PPIL6: variants seen among roughly 807,000 people sequenced by gnomAD.
PPIL6 encodes the protein peptidylprolyl isomerase like 6.
Under a neutral mutation model 36.8 loss-of-function variants are expected in PPIL6, and 39 were observed. That is an observed-to-expected ratio of 1.06 (90% CI 0.82 to 1.38). The LOEUF (loss-of-function observed/expected upper bound fraction) is 1.38, where lower values mean the gene tolerates loss of function less well. PPIL6 is among the 40% of genes most tolerant of loss of function. PPIL6 has a pLI of 0.00. For missense variants in PPIL6, 368 were observed against 379.1 expected (o/e 0.97, Z 0.24); for synonymous variants, 123 against 134.1 (o/e 0.92, Z 0.57).
chr6:109,418,849 A>G (rs1484480177), intron 6 of PPIL6, among the ~76,000 whole-genome samples: 1 of 152,120 alleles, frequency 6.6e-6, no homozygotes, highest in African/African-American at 2.4e-5. Context: ...GCCACCTGAC[A>G]GCAATCTAAA....
intron 7 of PPIL6, among the ~76,000 whole-genome samples, chr6:109,398,581 G>A (rs1439597969): frequency 6.6e-6 from 1 of 152,204 alleles, no homozygotes; most frequent in African/African-American, 2.4e-5. Flanking sequence ...ACACTGGAGT[G>A]ATGAAAAGTA....
chr6:109,420,434 A>T (rs1156698109), intron 5 of PPIL6, among the ~76,000 whole-genome samples: 2 of 151,620 alleles, frequency 1.3e-5, no homozygotes, highest in African/African-American at 4.8e-5. Flanking sequence ...GTGATAACTC[A>T]TTTATTTACC....
At chr6:109,427,199 TA>T in intron 3 of PPIL6, 43 bp from the exon 4 acceptor site, 1 of 1,458,620 alleles carries the variant, frequency 6.9e-7, no homozygotes, top group Non-Finnish European at 9.4e-7. Context: ...GTCAAAGTCT[TA>T]CAAGAAAGTT....
Position 109,440,561 on chromosome 6 carries a change from C to CG in PPIL6, c.29dup (p.His11AlafsTer3), listed in dbSNP as rs903987348. On this transcript the variant is annotated frameshift_variant, in exon 1 of 8. Coordinates refer to ENST00000521072, the MANE Select transcript of PPIL6 (RefSeq NM_173672.5). LOFTEE classifies it high-confidence loss of function. ...GCGACGGCGAGCCGCACCTAGCGTG[C>CG]GGGGGCCCGCACGGCTGCGGCCTTG... 2.7e-6 allele frequency: 4 copies of CG among 1,460,470 alleles called. No homozygotes were observed. The African/African-American group carries it at 4.5e-5, about 16-fold the overall frequency. The allele number at this position is 1,460,470 out of a possible 1,614,324, so 90.5% of individuals were successfully genotyped here.
rs143800088 is a variant in PPIL6 at position 109,437,021 on chromosome 6, G to A, written c.136-822C>T. 1.1e-3 allele frequency among the ~76,000 whole-genome samples: 161 copies of A among 152,334 alleles called. 1 individual carries two copies. The highest frequency in any genetic ancestry group is 3.8e-3 in the African/African-American group (159 of 41,564). ...GGATGACCAAAAAGATAATAACGTT[G>A]TGGTTATACCCCTTAGGAAAAAGAG... On this transcript the variant is annotated intron_variant, in intron 1 of 7. Coordinates refer to ENST00000521072, the MANE Select transcript of PPIL6 (RefSeq NM_173672.5).
intron 6 of PPIL6, among the ~76,000 whole-genome samples, chr6:109,412,783 C>T (rs1003063838): frequency 1.3e-5 from 2 of 152,258 alleles, no homozygotes; most frequent in African/African-American, 4.8e-5. Context: ...TATGAAACTA[C>T]TACAAGAAAA....
Position 109,393,437 on chromosome 6 carries a change from G to T in PPIL6, c.825-500C>A, listed in dbSNP as rs147218568. ...GATAGGATCTTGCTATGTTGCCCAG[G>T]CTGGTCTTGAACTCCTGGCCTCAAG... On this transcript the variant is annotated intron_variant, in intron 7 of 7. Coordinates refer to ENST00000521072, the MANE Select transcript of PPIL6 (RefSeq NM_173672.5). 7.1e-3 allele frequency among the ~76,000 whole-genome samples: 1,087 copies of T among 152,062 alleles called. 4 individuals are homozygous for T. Among genetic ancestry groups the T allele is most frequent in the Non-Finnish European group, 0.012 (799 of 67,976 alleles).
At chr6:109,423,605 T>C (rs1773663364) in intron 5 of PPIL6, among the ~76,000 whole-genome samples, 2 of 152,276 alleles carry the variant, frequency 1.3e-5, no homozygotes, top group South Asian at 4.1e-4. Flanking sequence ...ATTTGGTGGG[T>C]CCTGGATATC....
At chr6:109,440,937 G>T, upstream of PPIL6, 1 of 603,854 alleles carries the variant, frequency 1.7e-6, no homozygotes, top group East Asian at 3.1e-5. Context: ...GGGAACAGCC[G>T]GCCGGTTGCC....
chr6:109,412,740 A>G (rs898523134), intron 6 of PPIL6, among the ~76,000 whole-genome samples: 11 of 152,238 alleles, frequency 7.2e-5, no homozygotes, highest in African/African-American at 2.7e-4. Flanking sequence ...TAAAATCAAA[A>G]TGGATTAAAG....
chr6:109,410,020 T>C (rs922948707), intron 6 of PPIL6, among the ~76,000 whole-genome samples: 7 of 152,210 alleles, frequency 4.6e-5, no homozygotes, highest in Admixed American at 4.6e-4. Context: ...TAGTGCCATC[T>C]GCCTCGTGTA....
Position 109,440,556 on chromosome 6 carries a change from G to A in PPIL6, c.35C>T (p.Ala12Val). The A allele has an allele frequency of 1.4e-6, 2 of 1,468,518 alleles. No individual in the cohort carries two copies. Among genetic ancestry groups the A allele is most frequent in the Non-Finnish European group, 1.8e-6 (2 of 1,112,304 alleles). 91.0% of individuals were successfully genotyped at this position (1,468,518 alleles called of 1,614,324 possible). A position where few individuals can be genotyped will look rare whatever the true frequency, so the allele number is the denominator to read the frequency against. The stretch of plus-strand genomic sequence containing the variant: ...CGGCAGCGACGGCGAGCCGCACCTA[G>A]CGTGCGGGGGCCCGCACGGCTGCGG... ...ARPQPCGPPH[A>V]RCGSPSLPER... The change falls in exon 1 of 8, where the codon GCT becomes GTT. Residue 12 changes from alanine (A) to valine (V), a missense_variant. Ala to Val is a moderately conservative substitution (Grantham distance 64). Coordinates refer to ENST00000521072, the MANE Select transcript of PPIL6 (RefSeq NM_173672.5).
rs1177331529 is a variant in PPIL6, at chr6:109,391,318, A to G, written c.*1508T>C. On this transcript the variant is annotated 3_prime_UTR_variant, in exon 8 of 8. Coordinates refer to ENST00000521072, the MANE Select transcript of PPIL6 (RefSeq NM_173672.5). ...AAAAAAAAAAAAAAAAAAAAAAAAG[A>G]AAAGCACTCTTAGTCTGGGCAGAGC... 7.2e-6 allele frequency: 1 copy of G among 139,332 alleles called. No individual in the cohort carries two copies. The highest frequency in any genetic ancestry group is 2.1e-4 in the East Asian group (1 of 4,754). 8.6% of individuals were successfully genotyped at this position (139,332 alleles called of 1,614,324 possible). A position where few individuals can be genotyped will look rare whatever the true frequency, so the allele number is the denominator to read the frequency against.
intron 6 of PPIL6, chr6:109,402,985 T>A (rs745436558): frequency 8.0e-6 from 10 of 1,255,670 alleles, no homozygotes; most frequent in Non-Finnish European, 9.9e-6. Context: ...ACGTGTTATT[T>A]TGTTCTGCCG....
In PPIL6 at chr6:109,434,865, C is replaced by T. The variant is rs539145911; in HGVS notation, c.231+1239G>A. ...GATGCCACCTTAGCATTCTTCTCATCACATGCTCCAGGCAGCACTACCAAC... is the reference window on the plus strand; with the variant it reads ...GATGCCACCTTAGCATTCTTCTCATTACATGCTCCAGGCAGCACTACCAAC... On this transcript the variant is annotated intron_variant, in intron 2 of 7. Transcript: ENST00000521072. Among the ~76,000 whole-genome samples the T allele has an allele frequency of 6.6e-5, 10 of 152,352 alleles. No individual in the cohort carries two copies. The East Asian group carries it at 1.9e-3, about 29-fold the overall frequency.
intron 6 of PPIL6, among the ~76,000 whole-genome samples, chr6:109,410,302 C>T (rs532782141): frequency 9.3e-4 from 141 of 152,286 alleles, no homozygotes; most frequent in Admixed American, 2.1e-3. Flanking sequence ...TAAGGCCCAA[C>T]GGAACACCAT....
chr6:109,406,541 T>C (rs1004157800), intron 6 of PPIL6, among the ~76,000 whole-genome samples: 1 of 152,162 alleles, frequency 6.6e-6, no homozygotes, highest in Non-Finnish European at 1.5e-5. Context: ...ATGCAGCAAA[T>C]GCTTAGATCC....
At chr6:109,411,447 A>T (rs1398735382) in intron 6 of PPIL6, among the ~76,000 whole-genome samples, 1 of 152,182 alleles carries the variant, frequency 6.6e-6, no homozygotes, top group African/African-American at 2.4e-5. Flanking sequence ...TTATTAATAA[A>T]ACCTGCTGCA....
chr6:109,426,465 T>C (rs1773819725), intron 5 of PPIL6, among the ~76,000 whole-genome samples: 1 of 152,210 alleles, frequency 6.6e-6, no homozygotes, highest in Non-Finnish European at 1.5e-5. Context: ...AAATAAGTTG[T>C]TTTCCATTTA....
Sources: allele counts gnomAD v4.1 joint callset (sites outside exome capture counted in the v4.1 genomes callset), GRCh38; gene constraint gnomAD v4.1.1; transcripts MANE v1.5; gene names NCBI Gene and HGNC (gene_info 2026-07-23, HGNC 2026-07-21).